The following RPS6KC1 variants were observed in gnomAD, a reference collection of about 807,000 sequenced individuals.
RPS6KC1 encodes inactive ribosomal protein S6 kinase delta-1.
In RPS6KC1, 54 loss-of-function variants were observed where a neutral mutation model predicts 103.8. The observed-to-expected ratio is 0.52, with a 90% CI of 0.42 to 0.65. The LOEUF is 0.65. Among genes scored for constraint, RPS6KC1 ranks in the 30% least tolerant of loss-of-function variants. RPS6KC1 has a pLI of 0.00. For missense variants in RPS6KC1, 1,151 were observed against 1,253.8 expected (o/e 0.92, Z 1.24); for synonymous variants, 439 against 438.7 (o/e 1.00, Z -0.01).
the RPS6KC1 span, among the ~76,000 whole-genome samples, chr1:213,655,776 G>A: frequency 1.3e-5 from 2 of 152,052 alleles, no homozygotes; most frequent in Non-Finnish European, 2.9e-5. Context: ...CTATGGAAAC[G>A]GAAGTTTTGA....
the RPS6KC1 span, among the ~76,000 whole-genome samples, chr1:213,610,322 G>T: frequency 6.6e-6 from 1 of 152,170 alleles, no homozygotes; most frequent in African/African-American, 2.4e-5. Flanking sequence ...ACTAATGGTG[G>T]AAACTGATAA....
At position 213,195,238 on chromosome 1, in the gene RPS6KC1, A is replaced by G. The variant is rs77815960; in HGVS notation, c.1044+18746A>G. 9.2e-3 allele frequency among the ~76,000 whole-genome samples: 1,404 copies of G among 152,306 alleles called. 43 individuals carry two copies. Among genetic ancestry groups the G allele is most frequent in the East Asian group, 0.071 (366 of 5,176 alleles). On this transcript the variant is annotated intron_variant, in intron 8 of 14. Transcript: ENST00000366960. Reference sequence around the variant, plus strand: ...GCTTGTGGTTATGAGAATGTATACAATTGATAAGATGACATAGAACTATTA... The same window carrying G: ...GCTTGTGGTTATGAGAATGTATACAGTTGATAAGATGACATAGAACTATTA...
the RPS6KC1 span, among the ~76,000 whole-genome samples, chr1:213,768,316 G>A: frequency 6.6e-6 from 1 of 152,080 alleles, no homozygotes; most frequent in Non-Finnish European, 1.5e-5. Flanking sequence ...ACAATCTGGG[G>A]CAGATAGCTC....
the RPS6KC1 span, among the ~76,000 whole-genome samples, chr1:213,329,134 A>G: frequency 6.6e-6 from 1 of 152,262 alleles, no homozygotes; most frequent in South Asian, 2.1e-4. Flanking sequence ...GGAACTTGCC[A>G]TGAGTAAAAT....
chr1:213,109,277 C>G (rs2082782388), intron 4 of RPS6KC1, among the ~76,000 whole-genome samples: 2 of 152,098 alleles, frequency 1.3e-5, no homozygotes, highest in Non-Finnish European at 2.9e-5. Context: ...GCTGGGATGA[C>G]AGGCGCCCGC....
chr1:213,437,565 T>G, the RPS6KC1 span, among the ~76,000 whole-genome samples: 1 of 152,158 alleles, frequency 6.6e-6, no homozygotes. Flanking sequence ...TTCTTAAATA[T>G]TTAGAAAAAT....
chr1:213,496,585 C>T, the RPS6KC1 span, among the ~76,000 whole-genome samples: 90 of 152,186 alleles, frequency 5.9e-4, no homozygotes, highest in African/African-American at 1.8e-3. Context: ...TGGTGAAACC[C>T]CGTCTCTACT....
In RPS6KC1 at chr1:213,240,907, T is replaced by A. The variant is rs1475181574; in HGVS notation, c.1431T>A (p.Thr477=). 6.2e-6 allele frequency: 10 copies of A among 1,613,830 alleles called. No individual in the cohort carries two copies. Among genetic ancestry groups the A allele is most frequent in the Non-Finnish European group, 8.5e-6 (10 of 1,179,896 alleles). Residue 477 remains threonine (T), a synonymous_variant, in exon 11 of 15, where the codon ACT becomes ACA. Transcript: ENST00000366960. ...LKALPLKSSL[T]PSSQDDSNQE... ...CTCTGCCTTTGAAGAGTAGTCTTAC[T>A]CCAAGTTCTCAAGATGACAGCAACC...
chr1:213,231,449 C>T, intron 9 of RPS6KC1, among the ~76,000 whole-genome samples: 1 of 152,070 alleles, frequency 6.6e-6, no homozygotes, highest in East Asian at 1.9e-4. Context: ...CTGAAAATAT[C>T]CTAATTTAAG....
chr1:213,481,856 G>A, the RPS6KC1 span, among the ~76,000 whole-genome samples: 1 of 152,184 alleles, frequency 6.6e-6, no homozygotes, highest in Non-Finnish European at 1.5e-5. Context: ...CCGTATTGCA[G>A]GTGGGGCCTG....
chr1:213,651,012 A>G, the RPS6KC1 span, among the ~76,000 whole-genome samples: 99 of 150,978 alleles, frequency 6.6e-4, no homozygotes, highest in Admixed American at 3.2e-3. Context: ...AGAAAGGGAG[A>G]GGCTGGCTGA....
At chr1:213,467,542 T>C in the RPS6KC1 span, among the ~76,000 whole-genome samples, 1 of 152,166 alleles carries the variant, frequency 6.6e-6, no homozygotes, top group Admixed American at 6.5e-5. Context: ...CTAGATGGGG[T>C]TAATCAGGGA....
the RPS6KC1 span, among the ~76,000 whole-genome samples, chr1:213,773,395 G>T: frequency 6.7e-6 from 1 of 149,944 alleles, no homozygotes; most frequent in African/African-American, 2.4e-5. Flanking sequence ...AGAATGGTTA[G>T]ATATATATCT....
chr1:213,581,720 G>A, the RPS6KC1 span, among the ~76,000 whole-genome samples: 1 of 152,090 alleles, frequency 6.6e-6, no homozygotes, highest in Middle Eastern at 3.2e-3. Context: ...GCGTATCAAA[G>A]GTGTCTACAC....
chr1:213,235,749 C>T (rs542795430), intron 10 of RPS6KC1, among the ~76,000 whole-genome samples: 13 of 152,158 alleles, frequency 8.5e-5, no homozygotes, highest in African/African-American at 2.9e-4. Context: ...TTGTAGGCCA[C>T]GTTAAGAACT....
intron 10 of RPS6KC1, among the ~76,000 whole-genome samples, chr1:213,238,645 C>T (rs998423362): frequency 2.0e-5 from 3 of 152,152 alleles, no homozygotes; most frequent in African/African-American, 7.2e-5. Context: ...TTTTAGATTT[C>T]AGTAGTTTAT....
chr1:213,128,105 C>A (rs2085194605), intron 5 of RPS6KC1, among the ~76,000 whole-genome samples: 2 of 152,180 alleles, frequency 1.3e-5, no homozygotes. Context: ...GTTTCTTTTT[C>A]AGTTACATTA....
At chr1:213,339,252 G>C in the RPS6KC1 span, among the ~76,000 whole-genome samples, 2 of 152,008 alleles carry the variant, frequency 1.3e-5, no homozygotes, top group African/African-American at 4.8e-5. Context: ...GGCAACAAGA[G>C]CGAAACTCTG....
At chr1:213,286,993 GA>G in the RPS6KC1 span, among the ~76,000 whole-genome samples, 1 of 152,126 alleles carries the variant, frequency 6.6e-6, no homozygotes. Flanking sequence ...AATTTGTAAA[GA>G]AATGAAAAGT....
Sources: allele counts gnomAD v4.1 joint callset (sites outside exome capture counted in the v4.1 genomes callset), GRCh38; gene constraint gnomAD v4.1.1; transcripts MANE v1.5; gene names NCBI Gene and HGNC (gene_info 2026-07-23, HGNC 2026-07-21).